ZNF287: variants seen among roughly 807,000 people sequenced by gnomAD.
The protein encoded by ZNF287 is zinc finger protein 287.
In ZNF287, 31 loss-of-function variants were observed where a neutral mutation model predicts 73.7. The ratio of observed to expected loss-of-function variants is 0.42; its 90% CI spans 0.32 to 0.57. The LOEUF (loss-of-function observed/expected upper bound fraction) is 0.57. Among genes scored for constraint, ZNF287 ranks in the 20% least tolerant of loss-of-function variants. The pLI is 0.13. For synonymous variants in ZNF287, 301 were observed against 307.2 expected, an observed-to-expected ratio of 0.98 and a Z score of 0.21; for missense variants, 641 against 909.3, an observed-to-expected ratio of 0.70 and a Z score of 3.79.
rs1347480014 is a variant in ZNF287 at position 16,552,848 on chromosome 17, C to A, written c.1294G>T (p.Ala432Ser). Reference protein sequence around the residue: ...KPYECHQCGKAFSQRAHLTIH... With the variant: ...KPYECHQCGKSFSQRAHLTIH... ...GTAAGGTGTGCACGCTGGCTGAAGGCTTTACCACACTGGTGGCATTCATAT... is the reference window on the plus strand; with the variant it reads ...GTAAGGTGTGCACGCTGGCTGAAGGATTTACCACACTGGTGGCATTCATAT... Residue 432 changes from alanine (A) to serine (S), a missense_variant, in exon 6 of 6, where the codon GCC (alanine) becomes TCC (serine). By Grantham distance (99) the Ala-to-Ser change is moderately conservative. Around this residue, in one of 2 missense-constraint regions of ZNF287, gnomAD observed 284 missense variants for 466.8 expected, o/e 0.61. Coordinates refer to ENST00000395825, the MANE Select transcript of ZNF287 (RefSeq NM_020653.4). The surrounding 1 kb of genome is among the most constrained non-coding windows in gnomAD (Gnocchi z 6.5). The A allele has an allele frequency of 6.2e-7, 1 of 1,614,162 alleles. No individual in the cohort carries two copies. The highest frequency in any genetic ancestry group is 1.7e-5 in the Admixed American group (1 of 60,018).
chr17:16,565,596 C>T (rs1455780322), intron 3 of ZNF287, among the ~76,000 whole-genome samples: 1 of 152,036 alleles, frequency 6.6e-6, no homozygotes, highest in Non-Finnish European at 1.5e-5. Flanking sequence ...ATCATTTTAA[C>T]TTGGTTACCA....
In ZNF287 at chr17:16,552,505, C is replaced by T; in HGVS notation, c.1637G>A (p.Ser546Asn). The change falls in exon 6 of 6, where the codon AGT (serine) becomes AAT (asparagine). Residue 546 changes from serine to asparagine, a missense_variant. Ser to Asn is a conservative substitution (Grantham distance 46). This residue lies in a region of ZNF287 where 284 missense variants were observed against 466.8 expected (regional missense o/e 0.61). Coordinates refer to ENST00000395825, the MANE Select transcript of ZNF287 (RefSeq NM_020653.4). The surrounding 1 kb of genome is among the most constrained non-coding windows in gnomAD (Gnocchi z 6.5). The part of the protein sequence containing the change: ...YKCNECWKVF[S>N]QSTYLIRHQR... ...ATGTCGAATAAGGTAAGTACTCTGA[C>T]TAAACACTTTCCAACATTCATTGCA... The T allele has an allele frequency of 6.2e-7, 1 of 1,614,152 alleles. No homozygotes were observed. The highest frequency in any genetic ancestry group is 8.5e-7 in the Non-Finnish European group (1 of 1,180,002).
rs911739677 is a variant in ZNF287, at chr17:16,551,697, A to T, written c.*159T>A. ...GTTTCCTTCTTAAATTTCACATTAA[A>T]TCTAAATAGGTTATATCCATACCAC... On this transcript the variant is annotated 3_prime_UTR_variant, in exon 6 of 6. Coordinates refer to ENST00000395825, the MANE Select transcript of ZNF287 (RefSeq NM_020653.4). 3.1e-6 allele frequency: 2 copies of T among 650,754 alleles called. No homozygotes were observed. Among genetic ancestry groups the T allele is most frequent in the Admixed American group, 6.6e-5 (2 of 30,346 alleles). 40.3% of individuals were successfully genotyped at this position (650,754 alleles called of 1,614,324 possible).
In ZNF287 at chr17:16,553,309, C is replaced by T. The variant is rs377172595; in HGVS notation, c.833G>A (p.Arg278Lys). The T allele has an allele frequency of 1.9e-6, 3 of 1,613,820 alleles. No homozygotes were observed. The highest frequency in any genetic ancestry group is 4.5e-5 in the East Asian group (2 of 44,880). Residue 278 changes from arginine to lysine, a missense_variant, in exon 6 of 6, where the codon AGG (arginine) becomes AAG (lysine). Physicochemically the swap from Arg to Lys is conservative, Grantham distance 26. Coordinates refer to ENST00000395825, the MANE Select transcript of ZNF287 (RefSeq NM_020653.4). ...DSYDYDDRLE[R>K]RGKGGFWKIH... ...TTTCCAGAAGCCACCTTTTCCTCGC[C>T]TCTCTAGTCTATCATCGTAGTCATA...
At chr17:16,556,778 T>C (rs1405509290) in intron 5 of ZNF287, among the ~76,000 whole-genome samples, 2 of 152,128 alleles carry the variant, frequency 1.3e-5, no homozygotes, top group East Asian at 3.8e-4. Context: ...TGAAAAGTAC[T>C]AAAGTTATAA....
chr17:16,568,012 G>C, intron 1 of ZNF287, 83 bp from the exon 2 acceptor site: 1 of 1,207,020 alleles, frequency 8.3e-7, no homozygotes, highest in South Asian at 2.6e-5. Context: ...CAGACTCGCA[G>C]TGTGCATAGA....
chr17:16,552,049 T>C lies in ZNF287; in HGVS notation c.2093A>G (p.His698Arg). The change falls in exon 6 of 6, where the codon CAT becomes CGT. Residue 698 changes from histidine (H) to arginine (R), a missense_variant. Physicochemically the swap from His to Arg is conservative, Grantham distance 29. This residue lies in a region of ZNF287 where 284 missense variants were observed against 466.8 expected (regional missense o/e 0.61). Transcript: ENST00000395825. The surrounding 1 kb of genome is among the most constrained non-coding windows in gnomAD (Gnocchi z 6.5). ...ACATTTATAGGGTCTCTCTCCAGTA[T>C]GAGTTCTCTGATGTTGATTAAGTGA... ...SSSLNQHQRT[H>R]TGERPYKCNE... 1 of 1,614,134 alleles carries C rather than the reference T, an allele frequency of 6.2e-7. No individual in the cohort carries two copies. The highest frequency in any genetic ancestry group is 8.5e-7 in the Non-Finnish European group (1 of 1,179,986).
At chr17:16,564,384 G>A (rs560293797) in intron 3 of ZNF287, among the ~76,000 whole-genome samples, 1 of 151,864 alleles carries the variant, frequency 6.6e-6, no homozygotes, top group Non-Finnish European at 1.5e-5. Flanking sequence ...ATTTTTTTTT[G>A]TAGAGATGGG....
chr17:16,550,465 A>T lies in ZNF287; in HGVS notation c.*1391T>A, dbSNP rs1432631223. 6.6e-6 allele frequency among the ~76,000 whole-genome samples: 1 copy of T among 152,140 alleles called. No individual in the cohort carries two copies. Among genetic ancestry groups the T allele is most frequent in the Non-Finnish European group, 1.5e-5 (1 of 68,022 alleles). On this transcript the variant is annotated 3_prime_UTR_variant, in exon 6 of 6. Transcript: ENST00000395825. ...AAATTTCACCTTTTCCCCGACCCAC[A>T]TTCTGCAGTGAATTCAGATCTATTT... is the stretch of plus-strand genomic sequence containing the variant.
rs2142456210 is a variant in ZNF287, at chr17:16,552,075, T to A, written c.2067A>T (p.Ser689=). The A allele has an allele frequency of 6.2e-7, 1 of 1,614,098 alleles. No individual in the cohort carries two copies. The highest frequency in any genetic ancestry group is 2.2e-5 in the East Asian group (1 of 44,870). Residue 689 remains serine, a synonymous_variant, in exon 6 of 6, where the codon TCA becomes TCT. Coordinates refer to ENST00000395825, the MANE Select transcript of ZNF287 (RefSeq NM_020653.4). The surrounding 1 kb of genome is among the most constrained non-coding windows in gnomAD (Gnocchi z 6.5). ...NECGKAFIYS[S]SLNQHQRTHT... is the part of the protein sequence containing the mutation. The stretch of plus-strand genomic sequence containing the variant: ...GAGTTCTCTGATGTTGATTAAGTGA[T>A]GAGGAATAAATGAAAGCTTTCCCAC...
At chr17:16,554,272 C>T (rs1204963092) in intron 5 of ZNF287, among the ~76,000 whole-genome samples, 1 of 149,192 alleles carries the variant, frequency 6.7e-6, no homozygotes, top group Non-Finnish European at 1.5e-5. Context: ...CTCCCAGGTT[C>T]AAGTGATTCT....
chr17:16,554,827 T>A (rs1180831890), intron 5 of ZNF287, among the ~76,000 whole-genome samples: 1 of 152,108 alleles, frequency 6.6e-6, no homozygotes, highest in East Asian at 1.9e-4. Flanking sequence ...GGCTGAGGCA[T>A]GAGAATTGCT....
chr17:16,548,531 T>C lies in ZNF287; in HGVS notation c.*3325A>G, dbSNP rs1906420666. 6.6e-6 allele frequency among the ~76,000 whole-genome samples: 1 copy of C among 152,036 alleles called. No individual in the cohort carries two copies. Among genetic ancestry groups the C allele is most frequent in the African/African-American group, 2.4e-5 (1 of 41,458 alleles). Reference sequence around the variant, plus strand: ...AGGAAAAACTGTCCGGGCGCGGTGGTTCACGCCTGTAATGCCAGTACTTTG... The same window carrying C: ...AGGAAAAACTGTCCGGGCGCGGTGGCTCACGCCTGTAATGCCAGTACTTTG... On this transcript the variant is annotated 3_prime_UTR_variant, in exon 6 of 6. Coordinates refer to ENST00000395825, the MANE Select transcript of ZNF287 (RefSeq NM_020653.4).
chr17:16,557,577 A>G (rs185942943), intron 5 of ZNF287, among the ~76,000 whole-genome samples: 1 of 152,250 alleles, frequency 6.6e-6, no homozygotes, highest in Admixed American at 6.5e-5. Context: ...TATATCTCTG[A>G]GCTGGCAAGA....
rs1488195164 is a variant in ZNF287, at chr17:16,548,015, A to G, written c.*3841T>C. Among the ~76,000 whole-genome samples the G allele has an allele frequency of 1.3e-5, 2 of 152,232 alleles. No individual in the cohort carries two copies. The highest frequency in any genetic ancestry group is 4.8e-5 in the African/African-American group (2 of 41,460). ...TAAAATAATTGCTGACTGTGCCTCT[A>G]GTGCATTCCTAGTTGATGAGGGAAC... is the stretch of plus-strand genomic sequence containing the variant. On this transcript the variant is annotated 3_prime_UTR_variant, in exon 6 of 6. Coordinates refer to ENST00000395825, the MANE Select transcript of ZNF287 (RefSeq NM_020653.4).
chr17:16,550,026 CAAGT>C lies in ZNF287; in HGVS notation c.*1826_*1829del, dbSNP rs1482458971. Among the ~76,000 whole-genome samples the C allele has an allele frequency of 1.3e-5, 2 of 152,116 alleles. No individual in the cohort carries two copies. The highest frequency in any genetic ancestry group is 6.6e-5 in the Admixed American group (1 of 15,260). On this transcript the variant is annotated 3_prime_UTR_variant, in exon 6 of 6. Coordinates refer to ENST00000395825, the MANE Select transcript of ZNF287 (RefSeq NM_020653.4). ...ACTATTATGCAAGGGACTGGAGAAACAAGTAAGAGCACAATGAAATCTCAGTTCT... is the reference window on the plus strand; with the variant it reads ...ACTATTATGCAAGGGACTGGAGAAACAAGAGCACAATGAAATCTCAGTTCT...
At chr17:16,564,248 T>A (rs1907617563) in intron 3 of ZNF287, among the ~76,000 whole-genome samples, 1 of 152,224 alleles carries the variant, frequency 6.6e-6, no homozygotes, top group Non-Finnish European at 1.5e-5. Context: ...TCACCTGGAC[T>A]GGAGTGCGAT....
intron 3 of ZNF287, among the ~76,000 whole-genome samples, chr17:16,565,068 T>C (rs1443117761): frequency 1.3e-5 from 2 of 151,640 alleles, no homozygotes; most frequent in Non-Finnish European, 2.9e-5. Context: ...AAAAGTCATA[T>C]TGGAGGCCAG....
intron 5 of ZNF287, among the ~76,000 whole-genome samples, chr17:16,557,677 C>T (rs1907163542): frequency 1.3e-5 from 2 of 152,032 alleles, no homozygotes; most frequent in Admixed American, 6.5e-5. Context: ...GACAGCTCCT[C>T]AATCATGTTT....
Sources: gnomAD v4.1 joint callset for allele counts (sites outside exome capture counted in the v4.1 genomes callset) on GRCh38, gnomAD v4.1.1 for gene constraint, gnomAD v4.1.1 regional missense constraint, Gnocchi (gnomAD v3.1) non-coding constraint, MANE v1.5 for transcripts, NCBI Gene and HGNC (gene_info 2026-07-23, HGNC 2026-07-21) for gene names.